The following DSCAM variants were observed in gnomAD, a reference collection of about 807,000 sequenced individuals.
The protein encoded by DSCAM is DS cell adhesion molecule.
In DSCAM, 47 loss-of-function variants were observed where a neutral mutation model predicts 217.7. The ratio of observed to expected loss-of-function variants is 0.22; its 90% CI spans 0.17 to 0.28. The LOEUF is 0.28. Among genes scored for constraint, DSCAM ranks in the 10% least tolerant of loss-of-function variants. The pLI is 1.00. For synonymous variants in DSCAM, 1,056 were observed against 1,015.3 expected (o/e 1.04, Z -0.76); for missense variants, 2,080 against 2,618.3 (o/e 0.79, Z 4.49).
chr21:40,806,477 C>T (rs1221543035), intron 1 of DSCAM, among the ~76,000 whole-genome samples: 1 of 152,134 alleles, frequency 6.6e-6, no homozygotes, highest in Non-Finnish European at 1.5e-5. Flanking sequence ...GCTACACAAG[C>T]GTCTTTGAAT....
At chr21:40,308,014 C>T (rs2074098276) in intron 9 of DSCAM, among the ~76,000 whole-genome samples, 1 of 151,768 alleles carries the variant, frequency 6.6e-6, no homozygotes, top group South Asian at 2.1e-4. Flanking sequence ...AGCACACCAG[C>T]ATGGCACATG....
intron 2 of DSCAM, among the ~76,000 whole-genome samples, chr21:40,697,276 C>T (rs1205407261): frequency 2.0e-5 from 3 of 152,224 alleles, no homozygotes; most frequent in African/African-American, 7.2e-5. Flanking sequence ...CCCCATTCTG[C>T]ATGTTGTCTC....
chr21:40,064,602 G>A (rs2089178590), intron 27 of DSCAM, among the ~76,000 whole-genome samples: 1 of 152,140 alleles, frequency 6.6e-6, no homozygotes, highest in South Asian at 2.1e-4. Context: ...GACCGTTTGG[G>A]TCAACCCTTC....
chr21:40,138,553 T>C (rs926275854), intron 18 of DSCAM, among the ~76,000 whole-genome samples: 2 of 142,390 alleles, frequency 1.4e-5, no homozygotes, highest in Non-Finnish European at 3.0e-5. Flanking sequence ...TGTGTATGTG[T>C]GGTGTGTGAC....
intron 16 of DSCAM, among the ~76,000 whole-genome samples, chr21:40,154,650 C>T (rs2146743612): frequency 6.6e-6 from 1 of 152,196 alleles, no homozygotes; most frequent in Admixed American, 6.5e-5. Context: ...AGATGTATGG[C>T]CACGTGACTG....
chr21:40,423,387 G>A (rs1057487383), intron 3 of DSCAM, among the ~76,000 whole-genome samples: 22 of 152,188 alleles, frequency 1.4e-4, no homozygotes, highest in Admixed American at 1.4e-3. Flanking sequence ...TGTAAACGGT[G>A]TTACAACTTC....
intron 3 of DSCAM, among the ~76,000 whole-genome samples, chr21:40,454,507 G>A (rs2075747628): frequency 6.6e-6 from 1 of 152,178 alleles, no homozygotes; most frequent in Middle Eastern, 3.4e-3. Context: ...CAATGTAAAG[G>A]CACTATATAG....
chr21:40,842,111 G>A (rs1601335207), intron 1 of DSCAM, among the ~76,000 whole-genome samples: 1 of 152,256 alleles, frequency 6.6e-6, no homozygotes, highest in Non-Finnish European at 1.5e-5. Context: ...CTGGCTGCAA[G>A]AGTCTTGTGA....
intron 11 of DSCAM, among the ~76,000 whole-genome samples, chr21:40,270,706 CAT>C (rs1022896710): frequency 2.0e-4 from 31 of 151,992 alleles, no homozygotes; most frequent in African/African-American, 6.5e-4. Context: ...GCCTGGGAAA[CAT>C]GTGGGGTTAA....
intron 3 of DSCAM, among the ~76,000 whole-genome samples, chr21:40,656,420 C>T (rs1174309535): frequency 6.6e-6 from 1 of 151,854 alleles, no homozygotes; most frequent in Non-Finnish European, 1.5e-5. Context: ...TTGCTTGCTT[C>T]ATTAATAGCC....
At chr21:40,454,961 A>G (rs2145936520) in intron 3 of DSCAM, among the ~76,000 whole-genome samples, 1 of 152,336 alleles carries the variant, frequency 6.6e-6, no homozygotes, top group Middle Eastern at 3.4e-3. Flanking sequence ...TAGGCTGGAG[A>G]GAAGTGAAGT....
chr21:40,840,739 C>G (rs934542670), intron 1 of DSCAM, among the ~76,000 whole-genome samples: 11 of 152,010 alleles, frequency 7.2e-5, no homozygotes, highest in Admixed American at 6.6e-5. Flanking sequence ...GTGGGTAGAG[C>G]AAAAGAGTCC....
intron 18 of DSCAM, among the ~76,000 whole-genome samples, chr21:40,140,427 A>G (rs1242028602): frequency 6.6e-6 from 1 of 152,220 alleles, no homozygotes; most frequent in African/African-American, 2.4e-5. Context: ...TAGAATGAAG[A>G]TACCAGCAGG....
At chr21:40,324,141 A>AAAAAAAAAAAAG (rs2074292597) in intron 8 of DSCAM, among the ~76,000 whole-genome samples, 1 of 149,942 alleles carries the variant, frequency 6.7e-6, no homozygotes, top group African/African-American at 2.5e-5. Flanking sequence ...AGAAAAAAAA[A>AAAAAAAAAAAAG]AGAGAGAGAG....
chr21:40,314,979 G>C lies in DSCAM; in HGVS notation c.1784-2620C>G, dbSNP rs73371740. Among the ~76,000 whole-genome samples, 285 of 152,278 alleles carry C rather than the reference G, an allele frequency of 1.9e-3. 2 individuals are homozygous for C. Among genetic ancestry groups the C allele is most frequent in the African/African-American group, 6.4e-3 (266 of 41,556 alleles). On this transcript the variant is annotated intron_variant, in intron 8 of 32. Coordinates refer to ENST00000400454, the MANE Select transcript of DSCAM (RefSeq NM_001389.5). ...AAGCCTTTAAGATGAGGAAAAAACA[G>C]GTAAGTTGAAAGGTTACTGGGCTAA...
At chr21:40,846,281 G>C (rs1296769075) in intron 1 of DSCAM, among the ~76,000 whole-genome samples, 1 of 152,066 alleles carries the variant, frequency 6.6e-6, no homozygotes, top group African/African-American at 2.4e-5. Flanking sequence ...AATATTCAAA[G>C]TGGCAATCTT....
At chr21:40,331,359 T>C (rs1240029392) in intron 8 of DSCAM, among the ~76,000 whole-genome samples, 1 of 152,094 alleles carries the variant, frequency 6.6e-6, no homozygotes, top group Non-Finnish European at 1.5e-5. Flanking sequence ...TTCCCAGCCT[T>C]TGAAGAATGA....
At chr21:40,273,453 T>C (rs1382251987) in intron 11 of DSCAM, among the ~76,000 whole-genome samples, 6 of 152,160 alleles carry the variant, frequency 3.9e-5, no homozygotes. Flanking sequence ...TCCTCTCCCA[T>C]CTCCTCCATG....
intron 1 of DSCAM, among the ~76,000 whole-genome samples, chr21:40,747,531 A>G (rs2091187187): frequency 6.6e-6 from 1 of 151,882 alleles, no homozygotes; most frequent in African/African-American, 2.4e-5. Flanking sequence ...TTAATAGACC[A>G]ATAATGAATA....
Sources: allele counts gnomAD v4.1 joint callset (sites outside exome capture counted in the v4.1 genomes callset), GRCh38; gene constraint gnomAD v4.1.1; transcripts MANE v1.5; gene names NCBI Gene and HGNC (gene_info 2026-07-23, HGNC 2026-07-21).